Variants in MCTP1 observed in about 807,000 individuals in gnomAD.
MCTP1 encodes multiple C2 and transmembrane domain-containing protein 1.
Under a neutral mutation model 120.6 loss-of-function variants are expected in MCTP1, and 69 were observed. The observed-to-expected ratio is 0.57, with a 90% CI of 0.47 to 0.70. MCTP1 has a LOEUF of 0.70. Among genes scored for constraint, MCTP1 ranks in the 30% least tolerant of loss-of-function variants. The pLI, the probability that MCTP1 is intolerant of heterozygous loss-of-function variation, is 0.00. For synonymous variants in MCTP1, 529 were observed against 493.1 expected, an observed-to-expected ratio of 1.07 and a Z score of -0.96; for missense variants, 1,203 against 1,248.8, an observed-to-expected ratio of 0.96 and a Z score of 0.55.
chr5:94,871,325 G>C lies in MCTP1; in HGVS notation c.2129C>G (p.Pro710Arg). ...GTGAATAAAACTTACAGACAGCAAT[G>C]GTATAGCAACTTTGCCCAGAAAGTC... The part of the protein sequence containing the change: ...SADFLGKVAI[P>R]LLSIQNGEQK... The change falls in exon 14 of 23, where the codon CCA (proline) becomes CGA (arginine). Residue 710 changes from proline (P) to arginine (R), a missense_variant. Pro to Arg is a moderately radical substitution (Grantham distance 103). Around this residue, in one of 2 missense-constraint regions of MCTP1, gnomAD observed 740 missense variants for 871.1 expected, o/e 0.85. Transcript: ENST00000515393. 3 of 1,602,064 alleles carry C rather than the reference G, an allele frequency of 1.9e-6. No individual in the cohort carries two copies. The highest frequency in any genetic ancestry group is 2.6e-6 in the Non-Finnish European group (3 of 1,169,920).
chr5:94,719,021 C>T (rs1760225929), intron 19 of MCTP1, among the ~76,000 whole-genome samples: 1 of 151,686 alleles, frequency 6.6e-6, no homozygotes, highest in African/African-American at 2.4e-5. Context: ...GTGCACAGCC[C>T]AAAAGACATT....
At chr5:95,152,595 G>A (rs1305848120) in intron 1 of MCTP1, among the ~76,000 whole-genome samples, 1 of 152,182 alleles carries the variant, frequency 6.6e-6, no homozygotes, top group African/African-American at 2.4e-5. Context: ...CTTCATTAAC[G>A]AGGGTTATCG....
chr5:94,940,341 A>G (rs1817268796), intron 4 of MCTP1, 146 bp from the exon 5 acceptor site: 2 of 517,650 alleles, frequency 3.9e-6, no homozygotes, highest in Non-Finnish European at 6.8e-6. Context: ...AAATATTATC[A>G]GTGTATTAAG....
intron 1 of MCTP1, among the ~76,000 whole-genome samples, chr5:95,258,552 G>A (rs187496058): frequency 5.7e-4 from 87 of 152,226 alleles, no homozygotes; most frequent in African/African-American, 2.0e-3. Flanking sequence ...CCTTAATAAA[G>A]TATGGACTTT....
intron 18 of MCTP1, among the ~76,000 whole-genome samples, chr5:94,781,333 T>C (rs1776537311): frequency 6.6e-6 from 1 of 152,124 alleles, no homozygotes; most frequent in Admixed American, 6.6e-5. Context: ...TGGTGGGCTG[T>C]GCTTAGCAGA....
intron 1 of MCTP1, among the ~76,000 whole-genome samples, chr5:95,264,670 C>T (rs1161165176): frequency 1.3e-5 from 2 of 152,172 alleles, no homozygotes; most frequent in African/African-American, 4.8e-5. Context: ...CCAAAAGACA[C>T]ACATGACCTG....
chr5:95,066,864 C>G (rs1005554119), intron 1 of MCTP1, among the ~76,000 whole-genome samples: 1 of 152,144 alleles, frequency 6.6e-6, no homozygotes, highest in Non-Finnish European at 1.5e-5. Context: ...TGTTCCACCT[C>G]AGATCATCAG....
chr5:95,018,689 T>C (rs1837615977), intron 1 of MCTP1, among the ~76,000 whole-genome samples: 1 of 152,092 alleles, frequency 6.6e-6, no homozygotes, highest in Non-Finnish European at 1.5e-5. Context: ...GATTCCTCAG[T>C]CACTCAGCCT....
At chr5:95,139,944 CA>C (rs2152436559) in intron 1 of MCTP1, among the ~76,000 whole-genome samples, 1 of 152,302 alleles carries the variant, frequency 6.6e-6, no homozygotes, top group East Asian at 1.9e-4. Context: ...AGAAAAACAT[CA>C]AAATCATTAA....
intron 12 of MCTP1, among the ~76,000 whole-genome samples, chr5:94,887,899 G>A (rs928603606): frequency 1.3e-5 from 2 of 152,184 alleles, no homozygotes; most frequent in African/African-American, 2.4e-5. Flanking sequence ...TCTGTTGAAT[G>A]AATTAAAGAA....
chr5:94,938,412 C>T (rs1183314103), intron 5 of MCTP1, among the ~76,000 whole-genome samples: 4 of 152,008 alleles, frequency 2.6e-5, no homozygotes, highest in Non-Finnish European at 5.9e-5. Flanking sequence ...CATGGTTCCT[C>T]TTGTCACATG....
intron 1 of MCTP1, among the ~76,000 whole-genome samples, chr5:95,078,354 C>T (rs923505624): frequency 2.6e-5 from 4 of 152,120 alleles, no homozygotes; most frequent in Admixed American, 6.5e-5. Flanking sequence ...TAAATATAGA[C>T]TGAAAATTGT....
chr5:95,014,668 T>G (rs1836729662), intron 2 of MCTP1, among the ~76,000 whole-genome samples: 1 of 152,122 alleles, frequency 6.6e-6, no homozygotes, highest in Non-Finnish European at 1.5e-5. Context: ...ACTCCAGTAT[T>G]ATATTAAATT....
intron 1 of MCTP1, among the ~76,000 whole-genome samples, chr5:95,021,499 A>G (rs1412601075): frequency 6.6e-6 from 1 of 152,072 alleles, no homozygotes; most frequent in Non-Finnish European, 1.5e-5. Flanking sequence ...ATGCCCTTCA[A>G]TACAATCTTA....
chr5:94,843,025 G>A (rs1791476164), intron 17 of MCTP1, among the ~76,000 whole-genome samples: 1 of 151,654 alleles, frequency 6.6e-6, no homozygotes, highest in Admixed American at 6.6e-5. Context: ...GATTCCACTT[G>A]GCTATATTAT....
chr5:95,258,728 T>C (rs1758148858), intron 1 of MCTP1, among the ~76,000 whole-genome samples: 1 of 152,204 alleles, frequency 6.6e-6, no homozygotes, highest in Non-Finnish European at 1.5e-5. Context: ...TAAAAGTTCA[T>C]TAAAAATGCT....
chr5:94,775,301 T>C (rs1775051430), intron 19 of MCTP1, among the ~76,000 whole-genome samples: 1 of 152,180 alleles, frequency 6.6e-6, no homozygotes, highest in African/African-American at 2.4e-5. Context: ...CTGGATCTTA[T>C]TACAAGGGTA....
At chr5:95,070,651 G>C (rs1289204489) in intron 1 of MCTP1, among the ~76,000 whole-genome samples, 1 of 152,174 alleles carries the variant, frequency 6.6e-6, no homozygotes, top group African/African-American at 2.4e-5. Flanking sequence ...GGCCCAGAGA[G>C]CAACACTCAG....
At chr5:94,826,050 G>A (rs908906720) in intron 17 of MCTP1, 8 of 319,112 alleles carry the variant, frequency 2.5e-5, no homozygotes, top group Middle Eastern at 1.7e-3. Flanking sequence ...ATTCTGGCTC[G>A]TGGAGAAGAT....
Sources: allele counts gnomAD v4.1 joint callset (sites outside exome capture counted in the v4.1 genomes callset), GRCh38; gene constraint gnomAD v4.1.1; regional missense constraint gnomAD v4.1.1; transcripts MANE v1.5; gene names NCBI Gene and HGNC (gene_info 2026-07-23, HGNC 2026-07-21).